The following CA5B variants were observed in gnomAD, a reference collection of about 807,000 sequenced individuals.
CA5B encodes the protein carbonic anhydrase 5B, mitochondrial.
A neutral mutation model predicts 23.1 loss-of-function variants in CA5B; 15 were observed. The observed-to-expected ratio is 0.65, with a 90% CI of 0.43 to 1.00. CA5B has a LOEUF of 1.00. CA5B is among the 50% of genes least tolerant of loss of function. CA5B has a pLI of 0.00. For missense variants in CA5B, 236 were observed against 252.2 expected (o/e 0.94, Z 0.43); for synonymous variants, 84 against 98.5 (o/e 0.85, Z 0.87).
At chrX:15,775,949 C>CAGGACGCCCT in intron 6 of CA5B, 1 of 750,934 alleles carries the variant, frequency 1.3e-6, no homozygotes, top group Non-Finnish European at 1.6e-6. Flanking sequence ...CTCCATTTTC[C>CAGGACGCCCT]TGTTTTTCCC....
At chrX:15,754,012 T>C (rs1054891713) in intron 2 of CA5B, among the ~76,000 whole-genome samples, 2 of 112,664 alleles carry the variant, frequency 1.8e-5, no homozygotes, top group African/African-American at 6.4e-5. Flanking sequence ...GAGGTAGGTA[T>C]TGTATTGCTA....
At chrX:15,742,562 C>T (rs888223535) in intron 1 of CA5B, among the ~76,000 whole-genome samples, 3 of 112,149 alleles carry the variant, frequency 2.7e-5, no homozygotes, top group Non-Finnish European at 3.8e-5. Flanking sequence ...TTAGTAGAGT[C>T]GTGGTTTCAC....
At chrX:15,745,851 C>G (rs1424141724) in intron 1 of CA5B, 1 of 111,274 alleles carries the variant, frequency 9.0e-6, no homozygotes, top group East Asian at 2.8e-4. Context: ...AAAAATGATA[C>G]TAAAAGTCGT....
chrX:15,755,260 G>A (rs1156889163), intron 2 of CA5B, among the ~76,000 whole-genome samples: 1 of 112,022 alleles, frequency 8.9e-6, no homozygotes, highest in Non-Finnish European at 1.9e-5. Flanking sequence ...AGCTGCCTGG[G>A]ACTGACAAAT....
At chrX:15,775,919 C>G in intron 6 of CA5B, 1 of 748,626 alleles carries the variant, frequency 1.3e-6, no homozygotes, top group Non-Finnish European at 1.6e-6. Context: ...TGGTCCCTAC[C>G]TCTTTCCCTC....
Position 15,750,043 on chromosome X carries a change from T to C in CA5B, c.20T>C (p.Leu7Pro). The C allele has an allele frequency of 8.3e-7, 1 of 1,209,766 alleles. No homozygotes were observed. The highest frequency in any genetic ancestry group is 1.1e-6 in the Non-Finnish European group (1 of 893,657). MVVMNS[L>P]RVILQASPGK... ...CTAAAGATGGTGGTGATGAACAGCC[T>C]GAGGGTCATTCTTCAAGCCTCTCCA... Residue 7 changes from leucine (L) to proline (P), a missense_variant, in exon 2 of 8, where the codon CTG becomes CCG. Coordinates refer to ENST00000318636, the MANE Select transcript of CA5B (RefSeq NM_007220.4).
rs1448164954 is a variant in CA5B at position 15,776,711 on chromosome X, C to T, written c.619-3C>T. On this transcript the variant is annotated splice_polypyrimidine_tract_variant and splice_region_variant and intron_variant, in intron 6 of 7. Transcript: ENST00000318636. ...TGACTCGGTTATCTCTTCTCTTGGC[C>T]AGGACGCCCTTGTGGAATTTGGGTC... The T allele has an allele frequency of 2.5e-6, 3 of 1,203,009 alleles. No homozygotes were observed. In the Admixed American group the frequency reaches 6.6e-5, roughly 26 times the overall value.
intron 6 of CA5B, 62 bp from the exon 7 acceptor site, chrX:15,776,652 G>T (rs1235152033): frequency 1.1e-6 from 1 of 948,157 alleles, no homozygotes; most frequent in African/African-American, 1.9e-5. Context: ...TCACCTCGGC[G>T]TCCAATTCCT....
intron 3 of CA5B, among the ~76,000 whole-genome samples, chrX:15,771,108 C>G (rs1931810167): frequency 1.0e-5 from 1 of 99,941 alleles, no homozygotes. Flanking sequence ...GCTCAACTGC[C>G]TGTAATCCCA....
chrX:15,746,702 A>C (rs1931242149), intron 1 of CA5B, among the ~76,000 whole-genome samples: 1 of 111,273 alleles, frequency 9.0e-6, no homozygotes, highest in African/African-American at 3.3e-5. Context: ...TTTCGCGGGT[A>C]AGGGCTTGAG....
At chrX:15,760,214 C>T (rs1931576033) in intron 2 of CA5B, among the ~76,000 whole-genome samples, 1 of 111,348 alleles carries the variant, frequency 9.0e-6, no homozygotes, top group African/African-American at 3.3e-5. Flanking sequence ...GAGCAACAAC[C>T]AGGAAATTGT....
intron 7 of CA5B, among the ~76,000 whole-genome samples, chrX:15,781,252 C>T (rs1932018722): frequency 1.8e-5 from 2 of 111,158 alleles, no homozygotes; most frequent in Admixed American, 1.9e-4. Flanking sequence ...GCTGGGATTA[C>T]AAATGTAGGC....
At chrX:15,757,054 CAA>C (rs35364577) in intron 2 of CA5B, among the ~76,000 whole-genome samples, 9 of 59,749 alleles carry the variant, frequency 1.5e-4, no homozygotes, top group Non-Finnish European at 8.5e-5. Context: ...GACTCCGTCT[CAA>C]AAAAAAAAAA....
intron 1 of CA5B, among the ~76,000 whole-genome samples, chrX:15,746,515 G>T (rs1322623676): frequency 1.8e-5 from 2 of 111,687 alleles, no homozygotes; most frequent in East Asian, 5.6e-4. Flanking sequence ...AGACCACGGG[G>T]CATTGTAACC....
intron 3 of CA5B, among the ~76,000 whole-genome samples, chrX:15,765,792 G>T (rs1020352246): frequency 1.1e-4 from 12 of 110,463 alleles, no homozygotes; most frequent in African/African-American, 3.6e-4. Context: ...TATCAATAGA[G>T]CTGAAGCGGA....
intron 3 of CA5B, among the ~76,000 whole-genome samples, chrX:15,769,781 C>T (rs755461583): frequency 3.3e-4 from 37 of 111,897 alleles, no homozygotes; most frequent in Non-Finnish European, 6.2e-4. Flanking sequence ...TCCATCACCC[C>T]AGAAGCATTC....
intron 1 of CA5B, among the ~76,000 whole-genome samples, chrX:15,744,853 T>C (rs1190697882): frequency 9.0e-6 from 1 of 110,915 alleles, no homozygotes; most frequent in African/African-American, 3.3e-5. Context: ...AAGGCCGTCA[T>C]TGTGTCCAGC....
Position 15,775,240 on chromosome X carries a change from C to A in CA5B, c.556-6C>A, listed in dbSNP as rs1931899029. ...TTGTAATATTTTCTTACTTGTTGTT[C>A]TTTAGCTAGGCAAACATCATAAGGA... On this transcript the variant is annotated splice_region_variant and splice_polypyrimidine_tract_variant and intron_variant, in intron 5 of 7. Coordinates refer to ENST00000318636, the MANE Select transcript of CA5B (RefSeq NM_007220.4). 1.7e-6 allele frequency: 2 copies of A among 1,176,377 alleles called. No homozygotes were observed. The highest frequency in any genetic ancestry group is 2.3e-5 in the Admixed American group (1 of 44,084).
chrX:15,764,256 C>CT lies in CA5B; in HGVS notation c.143-318dup, dbSNP rs1226362366. Among the ~76,000 whole-genome samples, 3 of 97,234 alleles carry CT rather than the reference C, an allele frequency of 3.1e-5. No homozygotes were observed. In the Admixed American group the frequency reaches 3.3e-4, roughly 11 times the overall value. 84.4% of individuals were successfully genotyped at this position (97,234 alleles called of 115,157 possible). Reference sequence around the variant, plus strand: ...ACAGTAGACAGGCTTTTTTTTTTTTCTTTTGAGACATGGTTTGGGTCTGTT... The same window carrying CT: ...ACAGTAGACAGGCTTTTTTTTTTTTCTTTTTGAGACATGGTTTGGGTCTGTT... On this transcript the variant is annotated intron_variant, in intron 2 of 7. Transcript: ENST00000318636.
Sources: allele counts gnomAD v4.1 joint callset (sites outside exome capture counted in the v4.1 genomes callset), GRCh38; gene constraint gnomAD v4.1.1; transcripts MANE v1.5; gene names NCBI Gene and HGNC (gene_info 2026-07-23, HGNC 2026-07-21).